NEMP2: variants seen among roughly 807,000 people sequenced by gnomAD.
The protein encoded by NEMP2 is UPF0571 transmembrane protein.
Under a neutral mutation model 54.2 loss-of-function variants are expected in NEMP2, and 53 were observed. The ratio of observed to expected loss-of-function variants is 0.98; its 90% confidence interval spans 0.78 to 1.23. The LOEUF (loss-of-function observed/expected upper bound fraction) is 1.23, where lower values mean the gene tolerates loss of function less well. Ranked by LOEUF, NEMP2 falls within the 50% of genes most tolerant of loss-of-function variation. The pLI, the probability that NEMP2 is intolerant of heterozygous loss-of-function variation, is 0.00. For synonymous variants in NEMP2, 197 were observed against 190.3 expected, an observed-to-expected ratio of 1.04 and a Z score of -0.29; for missense variants, 455 against 511.3, an observed-to-expected ratio of 0.89 and a Z score of 1.06.
chr2:190,489,444 T>A, the NEMP2 span, among the ~76,000 whole-genome samples: 12 of 152,198 alleles, frequency 7.9e-5, no homozygotes, highest in Non-Finnish European at 1.5e-5. This position sits in a 1 kb window ranked among gnomAD's most constrained non-coding sequence, Gnocchi z 6.6. Flanking sequence ...GTGCTGTTAG[T>A]TAATAATTGG....
the NEMP2 span, among the ~76,000 whole-genome samples, chr2:190,437,931 C>T: frequency 2.0e-5 from 3 of 152,120 alleles, no homozygotes; most frequent in African/African-American, 7.2e-5. This position sits in a 1 kb window ranked among gnomAD's most constrained non-coding sequence, Gnocchi z 5.9. Context: ...ATTTATGAAC[C>T]AGAGCTTAAG....
At chr2:190,534,035 T>A (rs1691261019) in intron 1 of NEMP2, 1 of 965,758 alleles carries the variant, frequency 1.0e-6, no homozygotes. Context: ...GGGACCGTTA[T>A]GTTTACTCGC....
upstream of NEMP2, chr2:190,534,944 C>T (rs1214514489): frequency 6.8e-6 from 2 of 292,890 alleles, no homozygotes; most frequent in African/African-American, 4.4e-5. Flanking sequence ...CTCCGGGCCT[C>T]CAGCGCACGC....
chr2:190,613,888 C>A, the NEMP2 span, among the ~76,000 whole-genome samples: 2 of 151,944 alleles, frequency 1.3e-5, no homozygotes, highest in Non-Finnish European at 2.9e-5. Flanking sequence ...CCGTGCCCAG[C>A]CATTACTTCA....
chr2:190,623,498 C>T, the NEMP2 span, among the ~76,000 whole-genome samples: 1 of 152,166 alleles, frequency 6.6e-6, no homozygotes, highest in Non-Finnish European at 1.5e-5. Context: ...AGTAGAGACT[C>T]AGAAATAAAT....
At chr2:190,584,933 AAGAAAG>A in the NEMP2 span, among the ~76,000 whole-genome samples, 1 of 150,326 alleles carries the variant, frequency 6.7e-6, no homozygotes, top group Admixed American at 6.6e-5. This position sits in a 1 kb window ranked among gnomAD's most constrained non-coding sequence, Gnocchi z 4.2. Context: ...GAAAGAAAGA[AAGAAAG>A]AAAGAAAGAA....
the NEMP2 span, among the ~76,000 whole-genome samples, chr2:190,545,246 A>G: frequency 6.5e-5 from 1 of 15,430 alleles, no homozygotes; most frequent in Non-Finnish European, 2.6e-4. Context: ...CGATCTCACC[A>G]ACTCCACTTC....
chr2:190,481,472 C>T, the NEMP2 span, among the ~76,000 whole-genome samples: 1 of 152,118 alleles, frequency 6.6e-6, no homozygotes. Flanking sequence ...CACTGCCTAC[C>T]CTGTTTCAGT....
At chr2:190,643,617 T>C in the NEMP2 span, among the ~76,000 whole-genome samples, 1 of 152,212 alleles carries the variant, frequency 6.6e-6, no homozygotes, top group Non-Finnish European at 1.5e-5. Context: ...TTAATACTGA[T>C]AAAGTGCTAC....
the NEMP2 span, among the ~76,000 whole-genome samples, chr2:190,471,129 T>C: frequency 2.6e-5 from 4 of 152,160 alleles, no homozygotes; most frequent in Non-Finnish European, 4.4e-5. The surrounding 1 kb of genome is among the most constrained non-coding windows in gnomAD (Gnocchi z 4.7). Context: ...GATGGCCGAA[T>C]AGGAACAGCT....
the NEMP2 span, among the ~76,000 whole-genome samples, chr2:190,558,124 C>T: frequency 6.6e-6 from 1 of 152,140 alleles, no homozygotes; most frequent in Non-Finnish European, 1.5e-5. The surrounding 1 kb of genome is among the most constrained non-coding windows in gnomAD (Gnocchi z 4.4). Flanking sequence ...ACATATACAC[C>T]ATGGAATACT....
Position 190,531,844 on chromosome 2 carries a change from C to G in NEMP2, c.97+2715G>C, listed in dbSNP as rs373356069. ...AGTCAAAACATCAGAAAAGAGCAGG[C>G]AGTACTTAAACCTACTTACAGAATA... On this transcript the variant is annotated intron_variant, in intron 1 of 8. Transcript: ENST00000409150. This position sits in a 1 kb window ranked among gnomAD's most constrained non-coding sequence, Gnocchi z 4.7. Among the ~76,000 whole-genome samples, 13 of 152,150 alleles carry G rather than the reference C, an allele frequency of 8.5e-5. 2 individuals are homozygous for G. The highest frequency in any genetic ancestry group is 2.9e-4 in the African/African-American group (12 of 41,522).
the NEMP2 span, among the ~76,000 whole-genome samples, chr2:190,596,706 T>C: frequency 1.3e-5 from 2 of 152,244 alleles, no homozygotes; most frequent in Admixed American, 6.5e-5. This position sits in a 1 kb window ranked among gnomAD's most constrained non-coding sequence, Gnocchi z 5.1. Context: ...TACATATTTT[T>C]ACCTTTACTA....
rs543117949 is a variant in NEMP2, at chr2:190,530,123, G to T, written c.97+4436C>A. Among the ~76,000 whole-genome samples, 5 of 152,324 alleles carry T rather than the reference G, an allele frequency of 3.3e-5. No homozygotes were observed. The East Asian group carries it at 7.7e-4, about 23-fold the overall frequency. ...AAGGGATCTGCCAGTTAGAGGAAAAGAACTTGTTCTGCATTTCCCCTCAGT... is the reference window on the plus strand; with the variant it reads ...AAGGGATCTGCCAGTTAGAGGAAAATAACTTGTTCTGCATTTCCCCTCAGT... On this transcript the variant is annotated intron_variant, in intron 1 of 8. Coordinates refer to ENST00000409150, the MANE Select transcript of NEMP2 (RefSeq NM_001142645.2). The surrounding 1 kb of genome is among the most constrained non-coding windows in gnomAD (Gnocchi z 4.6).
chr2:190,450,877 A>G, the NEMP2 span, among the ~76,000 whole-genome samples: 1 of 152,164 alleles, frequency 6.6e-6, no homozygotes, highest in African/African-American at 2.4e-5. Flanking sequence ...TTTCGGTTAC[A>G]TTTGTCCAGG....
the NEMP2 span, among the ~76,000 whole-genome samples, chr2:190,460,222 G>T: frequency 2.6e-5 from 4 of 152,308 alleles, no homozygotes; most frequent in East Asian, 1.9e-4. Context: ...TTTATTGTTT[G>T]TCCACATAAA....
chr2:190,552,456 G>A, the NEMP2 span, among the ~76,000 whole-genome samples: 1 of 152,108 alleles, frequency 6.6e-6, no homozygotes, highest in African/African-American at 2.4e-5. Flanking sequence ...TCTTTGGCTG[G>A]TCAAGGTGGC....
At chr2:190,465,508 T>G in the NEMP2 span, among the ~76,000 whole-genome samples, 1 of 152,186 alleles carries the variant, frequency 6.6e-6, no homozygotes, top group East Asian at 1.9e-4. This position sits in a 1 kb window ranked among gnomAD's most constrained non-coding sequence, Gnocchi z 4.6. Context: ...TGTATAATCT[T>G]ATGTAAAAAA....
the NEMP2 span, among the ~76,000 whole-genome samples, chr2:190,454,748 A>G: frequency 6.6e-6 from 1 of 152,092 alleles, no homozygotes; most frequent in Admixed American, 6.5e-5. This position sits in a 1 kb window ranked among gnomAD's most constrained non-coding sequence, Gnocchi z 4.6. Flanking sequence ...GCAAATTAAT[A>G]ATGTGTCTAA....
Sources: allele counts gnomAD v4.1 joint callset (sites outside exome capture counted in the v4.1 genomes callset), GRCh38; gene constraint gnomAD v4.1.1; non-coding constraint Gnocchi (gnomAD v3.1); transcripts MANE v1.5; gene names NCBI Gene and HGNC (gene_info 2026-07-23, HGNC 2026-07-21).